TULP4: variants seen among roughly 807,000 people sequenced by gnomAD.
The protein encoded by TULP4 is tubby-related protein 4.
TULP4 carries 16 observed loss-of-function variants against 129.0 expected under a neutral mutation model. That is an observed-to-expected ratio of 0.12 (90% CI 0.08 to 0.19). The LOEUF (loss-of-function observed/expected upper bound fraction) is 0.19, where lower values mean the gene tolerates loss of function less well. Ranked by LOEUF, TULP4 falls within the 10% of genes least tolerant of loss-of-function variation. The pLI, the probability that TULP4 is intolerant of heterozygous loss-of-function variation, is 1.00. For synonymous variants in TULP4, 998 were observed against 854.0 expected (o/e 1.17, Z -2.94); for missense variants, 1,842 against 2,059.1 (o/e 0.89, Z 2.04).
chr6:158,481,555 C>T (rs1360008470), intron 8 of TULP4: 8 of 523,582 alleles, frequency 1.5e-5, no homozygotes, highest in African/African-American at 3.8e-5. Context: ...GGGAAGTTGG[C>T]GCAGTCCTCC....
At chr6:158,291,487 G>A (rs974143450) in intron 1 of TULP4, among the ~76,000 whole-genome samples, 5 of 152,042 alleles carry the variant, frequency 3.3e-5, no homozygotes, top group Admixed American at 2.0e-4. Flanking sequence ...TTTTTATTGT[G>A]CACTTTTACT....
rs1779260611 is a variant in TULP4, at chr6:158,454,995, C to G, written c.859+2727C>G. On this transcript the variant is annotated intron_variant, in intron 5 of 13. Transcript: ENST00000367097. ...AGTTGGGGAGGTGACCCAAAGTAGC[C>G]CTCCCAAATGTGAAATTTTTTTCCT... Among the ~76,000 whole-genome samples the G allele has an allele frequency of 7.2e-5, 11 of 151,904 alleles. No individual in the cohort carries two copies. In the South Asian group the frequency reaches 2.3e-3, roughly 32 times the overall value.
intron 5 of TULP4, among the ~76,000 whole-genome samples, chr6:158,459,234 C>A (rs1252523718): frequency 2.0e-5 from 3 of 152,106 alleles, no homozygotes; most frequent in Non-Finnish European, 4.4e-5. Flanking sequence ...AAGTTGAGAC[C>A]AGCCTGACCA....
rs557678837 is a variant in TULP4, at chr6:158,427,471, CT to C, written c.382-2224del. ...AAATTCCTTTTCAAAATTATCAGAC[CT>C]TTTTTTTTTTTTTTTTTTTTTTTTT... On this transcript the variant is annotated intron_variant, in intron 2 of 13. Coordinates refer to ENST00000367097, the MANE Select transcript of TULP4 (RefSeq NM_020245.5). Among the ~76,000 whole-genome samples, 21 of 74,134 alleles carry C rather than the reference CT, an allele frequency of 2.8e-4. 1 individual carries two copies. The highest frequency in any genetic ancestry group is 1.3e-3 in the African/African-American group (21 of 16,112). 48.6% of individuals were successfully genotyped at this position (74,134 alleles called of 152,430 possible).
intron 2 of TULP4, among the ~76,000 whole-genome samples, chr6:158,415,809 A>G (rs2115017312): frequency 6.6e-6 from 1 of 152,212 alleles, no homozygotes; most frequent in Non-Finnish European, 1.5e-5. Flanking sequence ...AGAGGGGTGG[A>G]ACTAATGCGG....
chr6:158,378,485 T>TTTTTTTTTTTTTG (rs1554285635), intron 1 of TULP4, among the ~76,000 whole-genome samples: 3 of 51,280 alleles, frequency 5.9e-5, no homozygotes, highest in African/African-American at 1.5e-4. Flanking sequence ...TTTTTTTTTT[T>TTTTTTTTTTTTTG]GGTGGGGGTG....
intron 1 of TULP4, among the ~76,000 whole-genome samples, chr6:158,248,567 C>T (rs185146075): frequency 4.6e-5 from 7 of 152,052 alleles, no homozygotes; most frequent in African/African-American, 9.7e-5. Flanking sequence ...CCGTGCCCGG[C>T]GTCTGTTCTT....
Position 158,510,547 on chromosome 6 carries a change from C to G in TULP4, c.*3853C>G, listed in dbSNP as rs1780713923. On this transcript the variant is annotated 3_prime_UTR_variant, in exon 14 of 14. Transcript: ENST00000367097. ...TGGGAAATATATTTCACACCATTGC[C>G]TTTGTGTAGAGAAATATTTCTTTTC... 6.6e-6 allele frequency: 1 copy of G among 152,184 alleles called. No individual in the cohort carries two copies. The highest frequency in any genetic ancestry group is 2.1e-4 in the South Asian group (1 of 4,824). 9.4% of individuals were successfully genotyped at this position (152,184 alleles called of 1,614,324 possible).
intron 1 of TULP4, among the ~76,000 whole-genome samples, chr6:158,402,018 G>A (rs562184614): frequency 1.2e-4 from 19 of 152,214 alleles, no homozygotes; most frequent in African/African-American, 4.6e-4. Context: ...CAAAACTTCG[G>A]TGTATATTTT....
chr6:158,506,222 C>CTTTTT lies in TULP4; in HGVS notation c.4516-332_4516-328dup, dbSNP rs61292138. Among the ~76,000 whole-genome samples the CTTTTT allele has an allele frequency of 1.7e-3, 95 of 55,506 alleles. 20 individuals carry two copies. The highest frequency in any genetic ancestry group is 2.3e-3 in the Admixed American group (9 of 3,878). The allele number at this position is 55,506 out of a possible 152,430, so 36.4% of individuals were successfully genotyped here. On this transcript the variant is annotated intron_variant, in intron 13 of 13. Transcript: ENST00000367097. The stretch of plus-strand genomic sequence containing the variant: ...CGGCTGTCGCCTTGCTCGCCTTGTT[C>CTTTTT]TTTTTTTTTTTTTTTTTTTTTTTTT...
At chr6:158,397,486 C>T (rs999036528) in intron 1 of TULP4, among the ~76,000 whole-genome samples, 2 of 152,172 alleles carry the variant, frequency 1.3e-5, no homozygotes, top group East Asian at 3.9e-4. Context: ...AACACAAATT[C>T]GTAAACTTTC....
chr6:158,388,322 C>CTTGTTTTTTTT (rs1554286514), intron 1 of TULP4, among the ~76,000 whole-genome samples: 1 of 86,256 alleles, frequency 1.2e-5, no homozygotes, highest in South Asian at 4.5e-4. Context: ...GCTCGTTTTT[C>CTTGTTTTTTTT]TTTTTTTTTT....
chr6:158,292,105 G>C (rs1778952763), intron 1 of TULP4, among the ~76,000 whole-genome samples: 3 of 152,310 alleles, frequency 2.0e-5, no homozygotes, highest in African/African-American at 7.2e-5. Context: ...TTTGCATGCA[G>C]CTAAGATTTG....
chr6:158,377,679 T>C (rs181864635), intron 1 of TULP4, among the ~76,000 whole-genome samples: 370 of 152,318 alleles, frequency 2.4e-3, no homozygotes, highest in African/African-American at 8.6e-3. Context: ...GGCTGACTTC[T>C]GCGTGACCAC....
chr6:158,331,720 CACACACACAT>C (rs1478620368), intron 1 of TULP4, among the ~76,000 whole-genome samples: 1,002 of 48,182 alleles, frequency 0.021, 331 homozygotes, highest in Middle Eastern at 0.083. Context: ...CACACACACA[CACACACACAT>C]ACGTATATAT....
intron 1 of TULP4, among the ~76,000 whole-genome samples, chr6:158,363,965 A>G (rs546825307): frequency 6.6e-6 from 1 of 152,290 alleles, no homozygotes; most frequent in East Asian, 1.9e-4. Flanking sequence ...ATTATGAATT[A>G]TTTATCAACA....
In TULP4 at chr6:158,511,347, G is replaced by A. The variant is rs1470233974; in HGVS notation, c.*4653G>A. 1 of 150,814 alleles carries A rather than the reference G, an allele frequency of 6.6e-6. No individual in the cohort carries two copies. Among genetic ancestry groups the A allele is most frequent in the Non-Finnish European group, 1.5e-5 (1 of 67,760 alleles). The allele number at this position is 150,814 out of a possible 1,614,324, so 9.3% of individuals were successfully genotyped here. A position where few individuals can be genotyped will look rare whatever the true frequency, so the allele number is the denominator to read the frequency against. On this transcript the variant is annotated 3_prime_UTR_variant, in exon 14 of 14. Coordinates refer to ENST00000367097, the MANE Select transcript of TULP4 (RefSeq NM_020245.5). ...GCATTATTTTGGTACTGTAAATTTG[G>A]ACATAATTTCTGAGTTTATTACTAC...
intron 1 of TULP4, among the ~76,000 whole-genome samples, chr6:158,400,316 T>C (rs1466435262): frequency 1.3e-5 from 2 of 152,234 alleles, no homozygotes; most frequent in African/African-American, 2.4e-5. Flanking sequence ...TTATATGTTA[T>C]ATACTACTGT....
chr6:158,291,533 T>G (rs1778940365), intron 1 of TULP4, among the ~76,000 whole-genome samples: 1 of 152,220 alleles, frequency 6.6e-6, no homozygotes, highest in Non-Finnish European at 1.5e-5. Flanking sequence ...TCTTTATTTC[T>G]CCTGCGTGGC....
Sources: gnomAD v4.1 joint callset for allele counts (sites outside exome capture counted in the v4.1 genomes callset) on GRCh38, gnomAD v4.1.1 for gene constraint, MANE v1.5 for transcripts, NCBI Gene and HGNC (gene_info 2026-07-23, HGNC 2026-07-21) for gene names.